The following FAT2 variants were observed in gnomAD, a reference collection of about 807,000 sequenced individuals.
FAT2 encodes the protein FAT atypical cadherin 2, also known as protocadherin Fat 2.
In FAT2, 150 loss-of-function variants were observed where a neutral mutation model predicts 295.3. That is an observed-to-expected ratio of 0.51 (90% CI 0.44 to 0.58). The LOEUF (loss-of-function observed/expected upper bound fraction) is 0.58, where lower values mean the gene tolerates loss of function less well. Among genes scored for constraint, FAT2 ranks in the 20% least tolerant of loss-of-function variants. FAT2 has a pLI of 0.00. For synonymous variants in FAT2, 2,026 were observed against 2,150.3 expected, an observed-to-expected ratio of 0.94 and a Z score of 1.60; for missense variants, 4,868 against 5,442.7, an observed-to-expected ratio of 0.89 and a Z score of 3.32.
At chr5:151,514,037 A>G (rs1009986580) in intron 20 of FAT2, among the ~76,000 whole-genome samples, 1 of 152,184 alleles carries the variant, frequency 6.6e-6, no homozygotes, top group African/African-American at 2.4e-5. Flanking sequence ...TTTTCTGGTC[A>G]CTTTGGGCTA....
At chr5:151,530,430 T>A (rs1353271645) in intron 14 of FAT2, among the ~76,000 whole-genome samples, 1 of 152,096 alleles carries the variant, frequency 6.6e-6, no homozygotes, top group African/African-American at 2.4e-5. Flanking sequence ...TATGACACTA[T>A]AAAGAGCCAA....
chr5:151,509,873 G>A, intron 22 of FAT2, 148 bp downstream of exon 22: 1 of 888,488 alleles, frequency 1.1e-6, no homozygotes, highest in Non-Finnish European at 1.7e-6. Flanking sequence ...AAAAGGTTGG[G>A]GACCACTGCC....
rs1481188652 is a variant in FAT2, at chr5:151,531,591, G to A, written c.9807C>T (p.Arg3269=). The change falls in exon 14 of 24, where the codon CGC becomes CGT. Residue 3269 remains arginine (R), a synonymous_variant. Transcript: ENST00000261800. This position sits in a 1 kb window ranked among gnomAD's most constrained non-coding sequence, Gnocchi z 5.7. ...NEQGRFRLDA[R]TGILYVNASL... ...CTTGGTGGATCAGGCTCTCACCTGT[G>A]CGAGCATCCAGGCGGAACCTGCCTT... The A allele has an allele frequency of 1.2e-6, 2 of 1,612,258 alleles. No individual in the cohort carries two copies. The highest frequency in any genetic ancestry group is 2.2e-5 in the East Asian group (1 of 44,882).
At position 151,542,806 on chromosome 5, in the gene FAT2, T is replaced by C. The variant is rs1756282036; in HGVS notation, c.8321A>G (p.Asn2774Ser). The change falls in exon 10 of 24, where the codon AAC becomes AGC. Residue 2774 changes from asparagine (N) to serine (S), a missense_variant. By Grantham distance (46) the Asn-to-Ser change is conservative (BLOSUM62 1). Coordinates refer to ENST00000261800, the MANE Select transcript of FAT2 (RefSeq NM_001447.3). The stretch of plus-strand genomic sequence containing the variant: ...AGAGACCAAGGACACCACATCAGTG[T>C]TCTGAAGGCAATGTGCCATCACATC... The part of the protein sequence containing the change: ...QIDVMAHCLQ[N>S]TDVVSLVSVN... The C allele has an allele frequency of 6.2e-7, 1 of 1,614,202 alleles. No individual in the cohort carries two copies. Among genetic ancestry groups the C allele is most frequent in the Non-Finnish European group, 8.5e-7 (1 of 1,180,036 alleles).
intron 1 of FAT2, among the ~76,000 whole-genome samples, chr5:151,570,277 A>G (rs1341644811): frequency 6.6e-6 from 1 of 152,154 alleles, no homozygotes; most frequent in Admixed American, 6.5e-5. Flanking sequence ...TCATCATGTA[A>G]CCTGGAACAT....
Position 151,563,205 on chromosome 5 carries a change from G to C in FAT2, c.3574+120C>G, listed in dbSNP as rs374664905. ...GAAATTTTGATTCAGTGGATTTAGG[G>C]TGGGGCCAGAGAATTTGAATTTCCA... On this transcript the variant is annotated intron_variant, in intron 3 of 23. Transcript: ENST00000261800. The C allele has an allele frequency of 4.1e-5, 38 of 934,886 alleles. No homozygotes were observed. In the East Asian group the frequency reaches 9.1e-4, roughly 22 times the overall value. The allele number at this position is 934,886 out of a possible 1,614,324, so 57.9% of individuals were successfully genotyped here.
rs1484380860 is a variant in FAT2, at chr5:151,549,402, T to A, written c.4682A>T (p.Glu1561Val). Residue 1561 changes from glutamate (E) to valine (V), a missense_variant, in exon 9 of 24, where the codon GAG (glutamate) becomes GTG (valine). By Grantham distance (121) the Glu-to-Val change is moderately radical. Coordinates refer to ENST00000261800, the MANE Select transcript of FAT2 (RefSeq NM_001447.3). ...GGCTATGGTGTCAGGAACACTTGCC[T>A]CATAATGGAGCTGAGTGAAGCGGGG... Reference protein sequence around the residue: ...HPPRFTQLHYEASVPDTIAPG... With the variant: ...HPPRFTQLHYVASVPDTIAPG... 2 of 1,614,148 alleles carry A rather than the reference T, an allele frequency of 1.2e-6. No individual in the cohort carries two copies. The highest frequency in any genetic ancestry group is 1.7e-6 in the Non-Finnish European group (2 of 1,180,032).
At position 151,527,260 on chromosome 5, in the gene FAT2, G is replaced by A; in HGVS notation, c.10282C>T (p.Gln3428Ter). Reference sequence around the variant, plus strand: ...TGGACAGTGGTGCTGTAGTTGAGCTGGAAGAATCTCGGTGGGTTATCATTG... The same window carrying A: ...TGGACAGTGGTGCTGTAGTTGAGCTAGAAGAATCTCGGTGGGTTATCATTG... ...DVNDNPPRFFQLNYSTTVQEN... is the reference protein window; with the variant it reads ...DVNDNPPRFF Residue 3428 changes from glutamine to a stop codon, truncating the protein, a stop_gained, in exon 17 of 24, where the codon CAG (glutamine) becomes TAG (stop). Coordinates refer to ENST00000261800, the MANE Select transcript of FAT2 (RefSeq NM_001447.3). LOFTEE classifies it high-confidence loss of function. 3.7e-6 allele frequency: 6 copies of A among 1,612,546 alleles called. No individual in the cohort carries two copies. Among genetic ancestry groups the A allele is most frequent in the Non-Finnish European group, 5.1e-6 (6 of 1,179,002 alleles).
In FAT2 at chr5:151,542,370, A is replaced by G. The variant is rs773230476; in HGVS notation, c.8757T>C (p.Ser2919=). The change falls in exon 10 of 24, where the codon AGT becomes AGC. Residue 2919 remains serine, a synonymous_variant. Coordinates refer to ENST00000261800, the MANE Select transcript of FAT2 (RefSeq NM_001447.3). ...EEYRGSVVEN[S]EPGELVATLK... ...GAGTCGCCACCAGTTCGCCAGGCTC[A>G]CTGTTCTCAACCACAGATCCTCTGT... is the stretch of plus-strand genomic sequence containing the variant. 6.2e-7 allele frequency: 1 copy of G among 1,614,072 alleles called. No individual in the cohort carries two copies. The highest frequency in any genetic ancestry group is 8.5e-7 in the Non-Finnish European group (1 of 1,180,034).
Position 151,507,114 on chromosome 5 carries a change from C to G in FAT2, c.12517+40G>C, listed in dbSNP as rs772181147. 7 of 1,505,846 alleles carry G rather than the reference C, an allele frequency of 4.6e-6. No homozygotes were observed. The South Asian group carries it at 9.3e-5, about 20-fold the overall frequency. 93.3% of individuals were successfully genotyped at this position (1,505,846 alleles called of 1,614,324 possible). ...GAGTGTTTAGAACCACCACCCACTTCCATCAATCCCAGAGGCTAAGCGTCT... is the reference window on the plus strand; with the variant it reads ...GAGTGTTTAGAACCACCACCCACTTGCATCAATCCCAGAGGCTAAGCGTCT... On this transcript the variant is annotated intron_variant, in intron 23 of 23. Coordinates refer to ENST00000261800, the MANE Select transcript of FAT2 (RefSeq NM_001447.3).
In FAT2 at chr5:151,537,953, A is replaced by G. The variant is rs550430245; in HGVS notation, c.9040-7T>C. The G allele has an allele frequency of 1.9e-6, 3 of 1,613,286 alleles. No homozygotes were observed. The highest frequency in any genetic ancestry group is 3.3e-5 in the Admixed American group (2 of 59,936). On this transcript the variant is annotated splice_region_variant and splice_polypyrimidine_tract_variant and intron_variant, in intron 11 of 23. Coordinates refer to ENST00000261800, the MANE Select transcript of FAT2 (RefSeq NM_001447.3). ...CCTTGCCAGTATAGAGAAGCTAGAG[A>G]TGGAAAGACAAAGAAGAGGGAGACT...
At chr5:151,530,655 A>T (rs1447805717) in intron 14 of FAT2, among the ~76,000 whole-genome samples, 1 of 152,228 alleles carries the variant, frequency 6.6e-6, no homozygotes, top group Non-Finnish European at 1.5e-5. Context: ...TGGCCTGGTG[A>T]TATTAAGAAA....
intron 2 of FAT2, 120 bp downstream of exon 2, chr5:151,565,553 T>C (rs537048114): frequency 1.0e-6 from 1 of 952,686 alleles, no homozygotes; most frequent in South Asian, 1.9e-5. Context: ...TCCCTATTTA[T>C]TGCCTTTCAT....
chr5:151,548,379 A>C (rs1056163027), intron 9 of FAT2, among the ~76,000 whole-genome samples: 1 of 152,098 alleles, frequency 6.6e-6, no homozygotes, highest in Non-Finnish European at 1.5e-5. Flanking sequence ...TGGATACTGG[A>C]TATTATCGCT....
intron 19 of FAT2, among the ~76,000 whole-genome samples, chr5:151,520,609 C>T (rs942988233): frequency 9.8e-5 from 15 of 152,306 alleles, no homozygotes; most frequent in Non-Finnish European, 1.8e-4. Flanking sequence ...GCTTTTATAA[C>T]TCTTACGTAA....
intron 3 of FAT2, among the ~76,000 whole-genome samples, chr5:151,561,642 C>T (rs913566826): frequency 6.6e-5 from 10 of 152,196 alleles, no homozygotes; most frequent in East Asian, 5.8e-4. Context: ...CCTCCTACCT[C>T]GGCCTCCCCA....
intron 2 of FAT2, among the ~76,000 whole-genome samples, chr5:151,564,083 G>A (rs1222144049): frequency 6.6e-6 from 1 of 152,196 alleles, no homozygotes. Context: ...AGAATAAATT[G>A]CCATTCCCTT....
Position 151,544,407 on chromosome 5 carries a change from C to T in FAT2, c.6720G>A (p.Val2240=), listed in dbSNP as rs1756428441. ...CTGTATCCGTGGCTCTGACTGTGAA[C>T]ACATGTTTGGTCTTGGACTCATAGT... The part of the protein sequence containing the change: ...PLDYESKTKH[V]FTVRATDTAL... The change falls in exon 10 of 24, where the codon GTG becomes GTA. Residue 2240 remains valine, a synonymous_variant. Transcript: ENST00000261800. The T allele has an allele frequency of 6.2e-7, 1 of 1,614,078 alleles. No individual in the cohort carries two copies. Among genetic ancestry groups the T allele is most frequent in the African/African-American group, 1.3e-5 (1 of 74,926 alleles).
chr5:151,591,956 C>T (rs747160025), upstream of FAT2, among the ~76,000 whole-genome samples: 1 of 152,298 alleles, frequency 6.6e-6, no homozygotes, highest in Admixed American at 6.5e-5. Flanking sequence ...GCTGTGACTT[C>T]CCCACACCTG....
Sources: allele counts gnomAD v4.1 joint callset (sites outside exome capture counted in the v4.1 genomes callset), GRCh38; gene constraint gnomAD v4.1.1; non-coding constraint Gnocchi (gnomAD v3.1); transcripts MANE v1.5; gene names NCBI Gene and HGNC (gene_info 2026-07-23, HGNC 2026-07-21).